The following PCDHA11 variants were observed in gnomAD, a reference collection of about 807,000 sequenced individuals.
PCDHA11 encodes protocadherin alpha 11, also known as protocadherin alpha-11.
A neutral mutation model predicts 70.3 loss-of-function variants in PCDHA11; 61 were observed. The ratio of observed to expected loss-of-function variants is 0.87; its 90% confidence interval spans 0.71 to 1.07. The LOEUF is 1.07. Among genes scored for constraint, PCDHA11 ranks in the 50% least tolerant of loss-of-function variants. PCDHA11 has a pLI of 0.00. For missense variants in PCDHA11, 1,324 were observed against 1,237.5 expected (o/e 1.07, Z -1.05); for synonymous variants, 633 against 555.1 (o/e 1.14, Z -1.97).
At chr5:140,960,832 G>T (rs141442734) in intron 1 of PCDHA11, among the ~76,000 whole-genome samples, 1 of 152,230 alleles carries the variant, frequency 6.6e-6, no homozygotes, top group African/African-American at 2.4e-5. Flanking sequence ...TGGAAACTTG[G>T]AACAGGTTTA....
At chr5:140,978,499 T>A (rs1178288273) in intron 1 of PCDHA11, among the ~76,000 whole-genome samples, 1 of 152,238 alleles carries the variant, frequency 6.6e-6, no homozygotes, top group African/African-American at 2.4e-5. Flanking sequence ...AGCAGCAGAT[T>A]GCAGTCCTCT....
intron 1 of PCDHA11, among the ~76,000 whole-genome samples, chr5:140,894,027 A>G (rs1251239546): frequency 6.6e-6 from 1 of 152,206 alleles, no homozygotes; most frequent in Non-Finnish European, 1.5e-5. Context: ...AGTTCTGCAT[A>G]CTGGTAATGT....
chr5:141,008,679 T>C (rs950831628), intron 3 of PCDHA11, among the ~76,000 whole-genome samples: 4 of 152,238 alleles, frequency 2.6e-5, no homozygotes, highest in South Asian at 4.1e-4. Context: ...TATACTTTAG[T>C]TATTGCATGT....
intron 1 of PCDHA11, among the ~76,000 whole-genome samples, chr5:140,906,476 G>A (rs1284528767): frequency 1.3e-5 from 2 of 152,192 alleles, no homozygotes; most frequent in African/African-American, 4.8e-5. Context: ...TAGTACAAAT[G>A]TATAAATGCA....
At chr5:140,883,018 G>A (rs1400637236) in intron 1 of PCDHA11, 4 of 1,614,086 alleles carry the variant, frequency 2.5e-6, no homozygotes, top group Admixed American at 1.7e-5. Flanking sequence ...ATAAAGTGAC[G>A]GTGTTAGAGA....
In PCDHA11 at chr5:140,929,637, G is replaced by A. The variant is rs373869618; in HGVS notation, c.2392-49312G>A. ...CCAAAATATTTTATAAGCAACAGATGTGTAAGGCACTCTAATATTTAAAGT... is the reference window on the plus strand; with the variant it reads ...CCAAAATATTTTATAAGCAACAGATATGTAAGGCACTCTAATATTTAAAGT... On this transcript the variant is annotated intron_variant, in intron 1 of 3. Coordinates refer to ENST00000398640, the MANE Select transcript of PCDHA11 (RefSeq NM_018902.5). The A allele has an allele frequency of 1.4e-4, 52 of 378,290 alleles. No homozygotes were observed. The South Asian group carries it at 3.2e-3, about 23-fold the overall frequency. The allele number at this position is 378,290 out of a possible 1,614,324, so 23.4% of individuals were successfully genotyped here. A position where few individuals can be genotyped will look rare whatever the true frequency, so the allele number is the denominator to read the frequency against.
intron 1 of PCDHA11, among the ~76,000 whole-genome samples, chr5:140,872,788 G>A (rs1419437796): frequency 6.6e-6 from 1 of 152,076 alleles, no homozygotes. Context: ...ATATATGCTA[G>A]TTGGCATTCT....
chr5:140,913,447 C>T (rs1445715185), intron 1 of PCDHA11, among the ~76,000 whole-genome samples: 5 of 152,022 alleles, frequency 3.3e-5, no homozygotes, highest in African/African-American at 9.7e-5. Context: ...TTTTCAGCTC[C>T]GATTTTATTT....
rs1013599044 is a variant in PCDHA11, at chr5:140,900,058, C to T, written c.2391+28564C>T. ...TTCCTGGGCTCAAGTGATCCTTTAACCTCAGCCTCCAAAAGTGCTGCAGTT... is the reference window on the plus strand; with the variant it reads ...TTCCTGGGCTCAAGTGATCCTTTAATCTCAGCCTCCAAAAGTGCTGCAGTT... On this transcript the variant is annotated intron_variant, in intron 1 of 3. Coordinates refer to ENST00000398640, the MANE Select transcript of PCDHA11 (RefSeq NM_018902.5). Among the ~76,000 whole-genome samples the T allele has an allele frequency of 2.0e-5, 3 of 152,160 alleles. 1 individual carries two copies. Among genetic ancestry groups the T allele is most frequent in the Non-Finnish European group, 1.5e-5 (1 of 68,028 alleles).
chr5:140,991,374 G>A (rs537981449), intron 3 of PCDHA11, among the ~76,000 whole-genome samples: 2 of 152,286 alleles, frequency 1.3e-5, no homozygotes, highest in South Asian at 4.1e-4. Context: ...TGAGTTCTAG[G>A]CCAACTGTAG....
intron 1 of PCDHA11, among the ~76,000 whole-genome samples, chr5:140,919,389 TG>T (rs2079114384): frequency 6.6e-6 from 1 of 152,242 alleles, no homozygotes; most frequent in African/African-American, 2.4e-5. Context: ...AGTTGGATGT[TG>T]TTTTCCTAAA....
intron 1 of PCDHA11, among the ~76,000 whole-genome samples, chr5:140,947,834 A>G (rs2094182215): frequency 6.6e-6 from 1 of 151,584 alleles, no homozygotes; most frequent in Non-Finnish European, 1.5e-5. Flanking sequence ...CAATATTAAT[A>G]TTTGTTTATT....
intron 1 of PCDHA11, chr5:140,875,507 A>G: frequency 6.2e-7 from 1 of 1,613,674 alleles, no homozygotes. Context: ...CCGGGATCCC[A>G]GCGTCTGCTG....
intron 1 of PCDHA11, among the ~76,000 whole-genome samples, chr5:140,896,952 T>G (rs2153454853): frequency 6.6e-6 from 1 of 152,352 alleles, no homozygotes; most frequent in East Asian, 1.9e-4. Context: ...GCCATTCCCT[T>G]AAACATTTAT....
intron 1 of PCDHA11, chr5:140,967,407 G>A: frequency 6.2e-7 from 1 of 1,613,098 alleles, no homozygotes; most frequent in South Asian, 1.1e-5. Context: ...CTGCGTAAGG[G>A]CCTAGACCGG....
intron 1 of PCDHA11, among the ~76,000 whole-genome samples, chr5:140,941,773 T>G (rs2093165270): frequency 6.6e-6 from 1 of 152,262 alleles, no homozygotes; most frequent in South Asian, 2.1e-4. Context: ...GATAATTGTT[T>G]TAATGTTTTA....
intron 1 of PCDHA11, among the ~76,000 whole-genome samples, chr5:140,887,589 T>C (rs1271786236): frequency 6.6e-6 from 1 of 152,120 alleles, no homozygotes; most frequent in Non-Finnish European, 1.5e-5. Context: ...CTTTTGCAGA[T>C]TGATTGTGAT....
intron 3 of PCDHA11, among the ~76,000 whole-genome samples, chr5:141,008,352 A>T (rs549122044): frequency 6.6e-6 from 1 of 152,204 alleles, no homozygotes; most frequent in Non-Finnish European, 1.5e-5. Flanking sequence ...TTCACGTGTC[A>T]ACCAAAGGAG....
intron 2 of PCDHA11, among the ~76,000 whole-genome samples, chr5:140,980,255 C>T (rs782489996): frequency 2.0e-4 from 31 of 152,210 alleles, no homozygotes; most frequent in Middle Eastern, 3.2e-3. Flanking sequence ...TGGGTAAAAG[C>T]ATGGTTTACA....
Sources: allele counts gnomAD v4.1 joint callset (sites outside exome capture counted in the v4.1 genomes callset), GRCh38; gene constraint gnomAD v4.1.1; transcripts MANE v1.5; gene names NCBI Gene and HGNC (gene_info 2026-07-23, HGNC 2026-07-21).